The following HEMK2 variants were observed in gnomAD, a reference collection of about 807,000 sequenced individuals.
HEMK2 encodes methyltransferase HEMK2.
At chr21:28,870,026 C>T in the HEMK2 span, among the ~76,000 whole-genome samples, 2 of 152,164 alleles carry the variant, frequency 1.3e-5, no homozygotes, top group Admixed American at 6.5e-5. Flanking sequence ...CTCATCCAAC[C>T]GGTTAGCACT....
chr21:28,666,258 G>A, the HEMK2 span, among the ~76,000 whole-genome samples: 11 of 152,066 alleles, frequency 7.2e-5, 1 homozygote, highest in South Asian at 4.2e-4. Context: ...TCTTTTCTTC[G>A]GTATTTAGGA....
the HEMK2 span, among the ~76,000 whole-genome samples, chr21:28,768,084 A>G: frequency 6.6e-5 from 10 of 152,024 alleles, no homozygotes; most frequent in Non-Finnish European, 1.2e-4. Flanking sequence ...TCTCTCTTTC[A>G]TTATATCTCT....
At chr21:28,613,279 CG>C in the HEMK2 span, among the ~76,000 whole-genome samples, 2 of 151,972 alleles carry the variant, frequency 1.3e-5, no homozygotes, top group Admixed American at 6.6e-5. Flanking sequence ...TACACATGAT[CG>C]GGGTGACTTC....
chr21:28,716,614 T>C, the HEMK2 span, among the ~76,000 whole-genome samples: 28 of 152,176 alleles, frequency 1.8e-4, no homozygotes, highest in Non-Finnish European at 1.8e-4. Context: ...ATGCTTCTTA[T>C]TTCTTTCTCT....
the HEMK2 span, among the ~76,000 whole-genome samples, chr21:28,769,277 T>C: frequency 6.6e-6 from 1 of 152,052 alleles, no homozygotes; most frequent in Non-Finnish European, 1.5e-5. Context: ...TGTGTAAGTA[T>C]TTTTTCTATT....
chr21:28,660,037 T>G, the HEMK2 span, among the ~76,000 whole-genome samples: 2 of 152,028 alleles, frequency 1.3e-5, no homozygotes, highest in African/African-American at 4.8e-5. Flanking sequence ...CAACTTTTAA[T>G]AGACTTATTC....
At chr21:28,767,180 G>C in the HEMK2 span, among the ~76,000 whole-genome samples, 1 of 151,994 alleles carries the variant, frequency 6.6e-6, no homozygotes, top group African/African-American at 2.4e-5. Context: ...TGTAAGATGT[G>C]ACTTGCTCCT....
the HEMK2 span, among the ~76,000 whole-genome samples, chr21:28,579,113 T>C: frequency 6.6e-6 from 1 of 152,124 alleles, no homozygotes; most frequent in Non-Finnish European, 1.5e-5. Flanking sequence ...AGAAATCGAG[T>C]TGTAGAAAAT....
chr21:28,657,610 C>T, the HEMK2 span, among the ~76,000 whole-genome samples: 2 of 152,018 alleles, frequency 1.3e-5, no homozygotes, highest in Non-Finnish European at 2.9e-5. Context: ...CTCTGGAAGT[C>T]AGAACACTTG....
At chr21:28,592,842 G>A in the HEMK2 span, among the ~76,000 whole-genome samples, 3 of 152,070 alleles carry the variant, frequency 2.0e-5, no homozygotes, top group Non-Finnish European at 4.4e-5. Context: ...AGGACATGTC[G>A]TATTTTTTAT....
chr21:28,879,893 AG>A, the HEMK2 span: 3 of 1,599,566 alleles, frequency 1.9e-6, no homozygotes, highest in Middle Eastern at 3.7e-4. Context: ...GTCACTACAT[AG>A]GGGGGATTAA....
At chr21:28,831,479 G>GAAAAGAAAAGA in the HEMK2 span, among the ~76,000 whole-genome samples, 3 of 40,396 alleles carry the variant, frequency 7.4e-5, no homozygotes, top group African/African-American at 3.8e-4. Flanking sequence ...AAGAAAGAAA[G>GAAAAGAAAAGA]AAAGAAAGAA....
At chr21:28,715,298 T>A in the HEMK2 span, among the ~76,000 whole-genome samples, 1 of 152,122 alleles carries the variant, frequency 6.6e-6, no homozygotes, top group Non-Finnish European at 1.5e-5. Context: ...CTTGCAAGCA[T>A]CTGTTATTTT....
the HEMK2 span, among the ~76,000 whole-genome samples, chr21:28,685,243 CT>C: frequency 1.3e-5 from 2 of 152,106 alleles, no homozygotes. Flanking sequence ...TTAGATTTTC[CT>C]TTTTTAAGTC....
the HEMK2 span, chr21:28,883,058 G>T: frequency 6.2e-7 from 1 of 1,601,326 alleles, no homozygotes; most frequent in Non-Finnish European, 8.5e-7. Flanking sequence ...CCTACTTCCA[G>T]GCATATTTCC....
At chr21:28,651,348 G>A in the HEMK2 span, among the ~76,000 whole-genome samples, 1 of 152,128 alleles carries the variant, frequency 6.6e-6, no homozygotes. Flanking sequence ...CCAGAAGTGT[G>A]ATTTAGAAGA....
chr21:28,816,018 C>A, the HEMK2 span, among the ~76,000 whole-genome samples: 1 of 152,082 alleles, frequency 6.6e-6, no homozygotes, highest in Non-Finnish European at 1.5e-5. Context: ...GATTAGGGCA[C>A]ACAAAGAGAC....
chr21:28,582,171 T>C, the HEMK2 span, among the ~76,000 whole-genome samples: 1 of 152,130 alleles, frequency 6.6e-6, no homozygotes, highest in Non-Finnish European at 1.5e-5. Context: ...AGCTATTCAG[T>C]TTTCTGTTTG....
the HEMK2 span, among the ~76,000 whole-genome samples, chr21:28,800,645 T>C: frequency 6.6e-6 from 1 of 152,174 alleles, no homozygotes; most frequent in Non-Finnish European, 1.5e-5. Flanking sequence ...AATCTATATA[T>C]ATGTGTATAT....
Sources: gnomAD v4.1 joint callset for allele counts (sites outside exome capture counted in the v4.1 genomes callset) on GRCh38, gnomAD v4.1.1 for gene constraint, MANE v1.5 for transcripts, NCBI Gene and HGNC (gene_info 2026-07-23, HGNC 2026-07-21) for gene names.